Variants in LRRC71 observed in about 807,000 individuals in gnomAD.
LRRC71 encodes leucine rich repeat containing 71, also known as leucine-rich repeat-containing protein 71.
LRRC71 carries 54 observed loss-of-function variants against 66.6 expected under a neutral mutation model. The observed-to-expected ratio is 0.81, with a 90% confidence interval of 0.65 to 1.02. LRRC71 has a LOEUF of 1.02. LRRC71 is among the 50% of genes least tolerant of loss of function. LRRC71 has a pLI of 0.00. For synonymous variants in LRRC71, 323 were observed against 303.9 expected (o/e 1.06, Z -0.65); for missense variants, 724 against 718.0 (o/e 1.01, Z -0.10).
chr1:156,930,641 G>A (rs1228392076), intron 12 of LRRC71, 24 bp downstream of exon 12: 2 of 1,547,096 alleles, frequency 1.3e-6, no homozygotes, highest in Non-Finnish European at 1.8e-6. Flanking sequence ...AGGAGTGGAG[G>A]CAGGGGGCAC....
intron 9 of LRRC71, among the ~76,000 whole-genome samples, chr1:156,929,019 A>AT (rs1478325132): frequency 1.3e-5 from 2 of 152,008 alleles, no homozygotes; most frequent in East Asian, 1.9e-4. Flanking sequence ...AAAAGCTGTT[A>AT]TTTTTTCCCC....
At chr1:156,936,321 T>C (rs1323366996), downstream of LRRC71, 5 of 628,546 alleles carry the variant, frequency 8.0e-6, no homozygotes, top group Admixed American at 2.0e-5. Context: ...CCCAGTGTGG[T>C]TCTGAATCAT....
chr1:156,934,805 A>C (rs1654775234), downstream of LRRC71: 1 of 151,840 alleles, frequency 6.6e-6, no homozygotes, highest in Admixed American at 6.6e-5. Flanking sequence ...CGTACCTTTT[A>C]TCACAGCGAT....
At chr1:156,931,386 T>C (rs755189960) in intron 12 of LRRC71, among the ~76,000 whole-genome samples, 4 of 152,136 alleles carry the variant, frequency 2.6e-5, no homozygotes, top group Non-Finnish European at 5.9e-5. Context: ...TGCCTTTCAG[T>C]TTCCATTTTT....
In LRRC71 at chr1:156,929,311, C is replaced by G; in HGVS notation, c.1028C>G (p.Thr343Arg). The G allele has an allele frequency of 1.9e-6, 3 of 1,610,056 alleles. No homozygotes were observed. The Middle Eastern group carries it at 5.0e-4, about 266-fold the overall frequency. ...PSSSRHGDSK[T>R]DREKSQMVGI... ...TCCTCTCGACACGGGGACTCCAAAACGGACCGTGAGAAGAGTCAGATGGTA... is the reference window on the plus strand; with the variant it reads ...TCCTCTCGACACGGGGACTCCAAAAGGGACCGTGAGAAGAGTCAGATGGTA... Residue 343 changes from threonine (T) to arginine (R), a missense_variant, in exon 10 of 15, where the codon ACG becomes AGG. Coordinates refer to ENST00000337428, the MANE Select transcript of LRRC71 (RefSeq NM_144702.3).
At position 156,920,640 on chromosome 1, in the gene LRRC71, G is replaced by A. The variant is rs1324950818; in HGVS notation, c.-164G>A. 4.5e-5 allele frequency: 40 copies of A among 890,066 alleles called. No individual in the cohort carries two copies. The highest frequency in any genetic ancestry group is 3.7e-4 in the Middle Eastern group (1 of 2,698). The allele number at this position is 890,066 out of a possible 1,614,324, so 55.1% of individuals were successfully genotyped here. A position where few individuals can be genotyped will look rare whatever the true frequency, so the allele number is the denominator to read the frequency against. On this transcript the variant is annotated 5_prime_UTR_variant, in exon 1 of 15. Transcript: ENST00000337428. This position sits in a 1 kb window ranked among gnomAD's most constrained non-coding sequence, Gnocchi z 4.9. ...CCCGCCCGCCTCGCGCGGTTGTCTTGGAGAGGGACGCGTAGGCTACGCCAC... is the reference window on the plus strand; with the variant it reads ...CCCGCCCGCCTCGCGCGGTTGTCTTAGAGAGGGACGCGTAGGCTACGCCAC...
chr1:156,939,747 C>T, the LRRC71 span: 5 of 1,614,084 alleles, frequency 3.1e-6, 1 homozygote, highest in South Asian at 4.4e-5. Flanking sequence ...CCCCTTCACC[C>T]CCAGGGGGTG....
chr1:156,928,138 C>G, intron 9 of LRRC71, 134 bp downstream of exon 9: 1 of 884,668 alleles, frequency 1.1e-6, no homozygotes, highest in Non-Finnish European at 1.7e-6. Flanking sequence ...TCTTTCCCTC[C>G]GATTTCTGCA....
rs1238247143 is a variant in LRRC71, at chr1:156,932,944, A to G, written c.1655A>G (p.Asp552Gly). ...RDPIKAKLRE[D>G]EAMAFFP ...CCCATCAAGGCCAAACTCAGGGAGG[A>G]TGAGGCCATGGCATTCTTCCCCTAG... The change falls in exon 15 of 15, where the codon GAT (aspartate) becomes GGT (glycine). Residue 552 changes from aspartate (D) to glycine (G), a missense_variant. Transcript: ENST00000337428. 2 of 1,584,976 alleles carry G rather than the reference A, an allele frequency of 1.3e-6. No individual in the cohort carries two copies. Among genetic ancestry groups the G allele is most frequent in the Admixed American group, 3.6e-5 (2 of 56,050 alleles).
chr1:156,922,269 G>A (rs892485255), intron 1 of LRRC71, among the ~76,000 whole-genome samples: 5 of 152,098 alleles, frequency 3.3e-5, no homozygotes, highest in African/African-American at 9.7e-5. Flanking sequence ...GAGGGCTCAG[G>A]ATCCAGCCTT....
At chr1:156,930,038 T>C (rs1654051648) in intron 11 of LRRC71, among the ~76,000 whole-genome samples, 1 of 140,544 alleles carries the variant, frequency 7.1e-6, no homozygotes, top group Non-Finnish European at 1.5e-5. Flanking sequence ...TTCTTTTTCT[T>C]TCTTTCTCTT....
At chr1:156,923,309 C>T (rs775384457) in intron 1 of LRRC71, among the ~76,000 whole-genome samples, 2 of 152,160 alleles carry the variant, frequency 1.3e-5, no homozygotes, top group Non-Finnish European at 2.9e-5. Flanking sequence ...AGCAAGTGTC[C>T]CTTGAAGACT....
intron 5 of LRRC71, among the ~76,000 whole-genome samples, chr1:156,925,517 G>A (rs563671506): frequency 6.6e-6 from 1 of 152,348 alleles, no homozygotes; most frequent in Admixed American, 6.5e-5. Flanking sequence ...ATGTGAGGCA[G>A]GAAGACCTGG....
downstream of LRRC71, chr1:156,937,025 A>G: frequency 5.0e-6 from 8 of 1,608,362 alleles, no homozygotes; most frequent in Non-Finnish European, 6.8e-6. Context: ...TCGGCGGGGG[A>G]ATGTCTGCTC....
chr1:156,939,698 C>T, the LRRC71 span: 2 of 1,614,144 alleles, frequency 1.2e-6, no homozygotes, highest in Non-Finnish European at 1.7e-6. Context: ...TCTTCCTGCT[C>T]TGGCCGTTCC....
At chr1:156,936,497 A>AAAAAAAAAAAATATAT (rs370282821), downstream of LRRC71, among the ~76,000 whole-genome samples, 1 of 33,916 alleles carries the variant, frequency 2.9e-5, no homozygotes, top group African/African-American at 1.5e-4. Flanking sequence ...AAAAAAAAAA[A>AAAAAAAAAAAATATAT]ATATATATAT....
chr1:156,929,471 G>T (rs753968786), intron 10 of LRRC71, 42 bp downstream of exon 10: 1 of 1,612,536 alleles, frequency 6.2e-7, no homozygotes, highest in South Asian at 1.1e-5. Flanking sequence ...TGGACGGACA[G>T]GGGAGGGGGC....
At position 156,928,497 on chromosome 1, in the gene LRRC71, T is replaced by TTCTTCC. The variant is rs1553189033; in HGVS notation, c.996+495_996+496insTTCCTC. On this transcript the variant is annotated intron_variant, in intron 9 of 14. Coordinates refer to ENST00000337428, the MANE Select transcript of LRRC71 (RefSeq NM_144702.3). ...CTTCCTCTTCCTCCTCCTCCTCTTC[T>TTCTTCC]TCCTCCTCCTCCTCCTCTTCCTCTT... Among the ~76,000 whole-genome samples, 75 of 144,268 alleles carry TTCTTCC rather than the reference T, an allele frequency of 5.2e-4. 1 individual carries two copies. In the East Asian group the frequency reaches 0.011, roughly 20 times the overall value. 94.6% of individuals were successfully genotyped at this position (144,268 alleles called of 152,430 possible).
chr1:156,921,153 C>G lies in LRRC71; in HGVS notation c.160+190C>G, dbSNP rs568886757. The stretch of plus-strand genomic sequence containing the variant: ...CCCACACTCTGGTTTGGGATGGTGA[C>G]AAATACCAATAAGATGTGATAAGAT... On this transcript the variant is annotated intron_variant, in intron 1 of 14. Transcript: ENST00000337428. Among the ~76,000 whole-genome samples, 220 of 152,274 alleles carry G rather than the reference C, an allele frequency of 1.4e-3. No homozygotes were observed. Among genetic ancestry groups the G allele is most frequent in the African/African-American group, 5.1e-3 (213 of 41,538 alleles).
Sources: allele counts gnomAD v4.1 joint callset (sites outside exome capture counted in the v4.1 genomes callset), GRCh38; gene constraint gnomAD v4.1.1; non-coding constraint Gnocchi (gnomAD v3.1); transcripts MANE v1.5; gene names NCBI Gene and HGNC (gene_info 2026-07-23, HGNC 2026-07-21).